Variants in CNTNAP2 observed in about 807,000 individuals in gnomAD.
CNTNAP2 encodes the protein contactin-associated protein-like 2.
In CNTNAP2, 98 loss-of-function variants were observed where a neutral mutation model predicts 155.2. That is an observed-to-expected ratio of 0.63 (90% confidence interval 0.54 to 0.75). CNTNAP2 has a LOEUF of 0.75. Among genes scored for constraint, CNTNAP2 ranks in the 30% least tolerant of loss-of-function variants. CNTNAP2 has a pLI of 0.00. For missense variants in CNTNAP2, 1,727 were observed against 1,688.1 expected (o/e 1.02, Z -0.40); for synonymous variants, 651 against 631.2 (o/e 1.03, Z -0.47).
At chr7:146,206,423 G>A (rs1382430500) in intron 1 of CNTNAP2, among the ~76,000 whole-genome samples, 1 of 151,766 alleles carries the variant, frequency 6.6e-6, no homozygotes, top group African/African-American at 2.4e-5. Context: ...AAGCTGTCTT[G>A]GATGCTGTTA....
At chr7:147,071,094 C>T (rs1027485792) in intron 4 of CNTNAP2, among the ~76,000 whole-genome samples, 1 of 152,032 alleles carries the variant, frequency 6.6e-6, no homozygotes, top group Non-Finnish European at 1.5e-5. Flanking sequence ...TCACCATAGA[C>T]ACATTCCTTT....
chr7:146,743,367 T>A (rs554357909), intron 1 of CNTNAP2, among the ~76,000 whole-genome samples: 47 of 152,270 alleles, frequency 3.1e-4, no homozygotes, highest in Non-Finnish European at 6.3e-4. Context: ...CCTTTTTTCC[T>A]GAGGTTGACA....
intron 1 of CNTNAP2, among the ~76,000 whole-genome samples, chr7:146,427,785 G>A (rs150741151): frequency 6.6e-6 from 1 of 152,268 alleles, no homozygotes; most frequent in East Asian, 1.9e-4. Flanking sequence ...AGGTTATTCA[G>A]TTTTGTTACA....
intron 3 of CNTNAP2, among the ~76,000 whole-genome samples, chr7:146,987,486 C>T (rs1442305155): frequency 6.6e-6 from 1 of 152,002 alleles, no homozygotes; most frequent in Admixed American, 6.6e-5. Context: ...TGAGATTATG[C>T]AAATTATGAT....
chr7:146,764,501 G>A (rs1166694389), intron 1 of CNTNAP2, among the ~76,000 whole-genome samples: 1 of 149,070 alleles, frequency 6.7e-6, no homozygotes, highest in African/African-American at 2.5e-5. Flanking sequence ...TAAATTAGAA[G>A]ATCAAGTTCG....
intron 3 of CNTNAP2, among the ~76,000 whole-genome samples, chr7:146,979,316 G>T (rs556321240): frequency 6.6e-6 from 1 of 152,084 alleles, no homozygotes; most frequent in Non-Finnish European, 1.5e-5. Context: ...TTTTTACAAA[G>T]ATTGCTGTCT....
Position 147,196,630 on chromosome 7 carries a change from G to A in CNTNAP2, c.1348+64121G>A, listed in dbSNP as rs1024981769. On this transcript the variant is annotated intron_variant, in intron 8 of 23. Transcript: ENST00000361727. ...CCTGAACACAAAGGAATAAAACCTC[G>A]CCTAAGCACTCCTGACAGTCTTTCA... Among the ~76,000 whole-genome samples the A allele has an allele frequency of 4.6e-5, 7 of 152,064 alleles. 1 individual carries two copies. The highest frequency in any genetic ancestry group is 6.6e-5 in the Admixed American group (1 of 15,246).
chr7:146,895,355 CTTTCT>C (rs1795854901), intron 3 of CNTNAP2, among the ~76,000 whole-genome samples: 1 of 148,044 alleles, frequency 6.8e-6, no homozygotes, highest in African/African-American at 2.5e-5. Context: ...CTCTTTCTCT[CTTTCT>C]TTTTTCCTAT....
chr7:147,147,607 A>C lies in CNTNAP2; in HGVS notation c.1348+15098A>C, dbSNP rs1801732400. On this transcript the variant is annotated intron_variant, in intron 8 of 23. Coordinates refer to ENST00000361727, the MANE Select transcript of CNTNAP2 (RefSeq NM_014141.6). ...AGCATCCTCTGCGTGGACTGTGGTC[A>C]GGATGATTTTGCATCTTCTTTCAGT... Among the ~76,000 whole-genome samples the C allele has an allele frequency of 5.3e-5, 8 of 152,230 alleles. No homozygotes were observed. The South Asian group carries it at 1.7e-3, about 32-fold the overall frequency.
intron 1 of CNTNAP2, among the ~76,000 whole-genome samples, chr7:146,737,294 C>A (rs1366056147): frequency 1.3e-5 from 2 of 152,036 alleles, no homozygotes; most frequent in African/African-American, 2.4e-5. Flanking sequence ...GAGAAAACTT[C>A]ACTTCAACTC....
chr7:148,039,609 G>A (rs746762261), intron 15 of CNTNAP2, among the ~76,000 whole-genome samples: 1 of 152,142 alleles, frequency 6.6e-6, no homozygotes, highest in Non-Finnish European at 1.5e-5. Flanking sequence ...CAACCCCTAG[G>A]TTTTCCAATC....
intron 3 of CNTNAP2, among the ~76,000 whole-genome samples, chr7:146,891,720 G>A (rs1271527349): frequency 6.6e-6 from 1 of 152,106 alleles, no homozygotes; most frequent in Non-Finnish European, 1.5e-5. Context: ...GGTTGTTAAT[G>A]ACAAATACGT....
rs112518431 is a variant in CNTNAP2, at chr7:148,224,076, TA to T, written c.3248-5559del. ...GGCAGAAAGCCTATTTTCAGACCTT[TA>T]AAAAAAAAAAGCTGTGCTTTGCACA... On this transcript the variant is annotated intron_variant, in intron 19 of 23. Coordinates refer to ENST00000361727, the MANE Select transcript of CNTNAP2 (RefSeq NM_014141.6). 7.8e-3 allele frequency among the ~76,000 whole-genome samples: 1,153 copies of T among 146,892 alleles called. 14 individuals carry two copies. Among genetic ancestry groups the T allele is most frequent in the African/African-American group, 0.026 (1,040 of 40,290 alleles).
chr7:146,549,012 T>C (rs1472462286), intron 1 of CNTNAP2, among the ~76,000 whole-genome samples: 1 of 151,752 alleles, frequency 6.6e-6, no homozygotes, highest in Admixed American at 6.6e-5. Flanking sequence ...GGACTTTAAT[T>C]CATTTTGAAT....
At chr7:146,652,735 G>A (rs904877310) in intron 1 of CNTNAP2, among the ~76,000 whole-genome samples, 2 of 152,128 alleles carry the variant, frequency 1.3e-5, no homozygotes, top group Non-Finnish European at 2.9e-5. Flanking sequence ...GATCATGACA[G>A]AAATCAAAGT....
At chr7:147,724,085 C>A (rs572885875) in intron 13 of CNTNAP2, among the ~76,000 whole-genome samples, 5 of 151,952 alleles carry the variant, frequency 3.3e-5, no homozygotes, top group East Asian at 3.9e-4. Context: ...TGGTAATCAT[C>A]ATAATAATAA....
At chr7:147,580,648 C>A (rs1800482361) in intron 12 of CNTNAP2, among the ~76,000 whole-genome samples, 1 of 149,350 alleles carries the variant, frequency 6.7e-6, no homozygotes, top group African/African-American at 2.5e-5. Flanking sequence ...CGGAATCTTG[C>A]TCTGTTGCCC....
chr7:147,396,511 A>G (rs1001697603), intron 10 of CNTNAP2, among the ~76,000 whole-genome samples: 4 of 152,056 alleles, frequency 2.6e-5, no homozygotes, highest in African/African-American at 7.2e-5. Flanking sequence ...AAATATGACA[A>G]AAATCAAATC....
chr7:147,681,787 T>C (rs1795950672), intron 13 of CNTNAP2, among the ~76,000 whole-genome samples: 1 of 151,428 alleles, frequency 6.6e-6, no homozygotes, highest in African/African-American at 2.4e-5. Flanking sequence ...ACTATCACAG[T>C]ATTTTGCAAG....
Sources: gnomAD v4.1 joint callset for allele counts (sites outside exome capture counted in the v4.1 genomes callset) on GRCh38, gnomAD v4.1.1 for gene constraint, MANE v1.5 for transcripts, NCBI Gene and HGNC (gene_info 2026-07-23, HGNC 2026-07-21) for gene names.